Variants in XYLT2 observed in about 807,000 individuals in gnomAD.
XYLT2 encodes xylosyltransferase 2, also known as UDP-D-xylose:proteoglycan core protein beta-D-xylosyltransferase.
A neutral mutation model predicts 82.6 loss-of-function variants in XYLT2; 37 were observed. The observed-to-expected ratio is 0.45, with a 90% CI of 0.34 to 0.59. The LOEUF (loss-of-function observed/expected upper bound fraction) is 0.59. XYLT2 is among the 20% of genes least tolerant of loss of function. The pLI, the probability that XYLT2 is intolerant of heterozygous loss-of-function variation, is 0.01. For synonymous variants in XYLT2, 474 were observed against 499.0 expected, an observed-to-expected ratio of 0.95 and a Z score of 0.67; for missense variants, 934 against 1,181.3, an observed-to-expected ratio of 0.79 and a Z score of 3.07.
In XYLT2 at chr17:50,356,231, C is replaced by T; in HGVS notation, c.1452C>T (p.Asp484=). ...IVDWCGCSPN[D]FKPQDFLRLQ... ...ACTGGTGTGGCTGCTCCCCCAACGA[C>T]TTCAAGCCACAGGACTTCCTCCGGC... Residue 484 remains aspartate (D), a synonymous_variant, in exon 7 of 11, where the codon GAC becomes GAT. Coordinates refer to ENST00000017003, the MANE Select transcript of XYLT2 (RefSeq NM_022167.4). 6.2e-7 allele frequency: 1 copy of T among 1,614,118 alleles called. No homozygotes were observed. Among genetic ancestry groups the T allele is most frequent in the Non-Finnish European group, 8.5e-7 (1 of 1,179,944 alleles).
Position 50,360,047 on chromosome 17 carries a change from T to C in XYLT2, c.2354T>C (p.Leu785Pro). ...AGTTTCCAGGGCCTGAGTAGCATCC[T>C]GAACCTGCCTCAGCCGGAGCTCGCG... ...EQSFQGLSSI[L>P]NLPQPELAEE... Residue 785 changes from leucine (L) to proline (P), a missense_variant, in exon 11 of 11, where the codon CTG (leucine) becomes CCG (proline). Transcript: ENST00000017003. The C allele has an allele frequency of 6.2e-7, 1 of 1,613,960 alleles. No homozygotes were observed.
At chr17:50,355,651 G>C (rs1378612199) in intron 5 of XYLT2, 70 bp downstream of exon 5, 2 of 1,598,872 alleles carry the variant, frequency 1.3e-6, no homozygotes, top group Non-Finnish European at 1.7e-6. Context: ...GTTGGGCTCG[G>C]TGGCTCCAGC....
intron 7 of XYLT2, 66 bp downstream of exon 7, chr17:50,356,327 G>A (rs1232879376): frequency 6.3e-7 from 1 of 1,581,920 alleles, no homozygotes; most frequent in Non-Finnish European, 8.6e-7. Flanking sequence ...CAGGAAAATG[G>A]CAGGGTGGGC....
chr17:50,349,500 G>T (rs1482177393), intron 1 of XYLT2, among the ~76,000 whole-genome samples: 1 of 152,234 alleles, frequency 6.6e-6, no homozygotes. Context: ...TGTAATCTCA[G>T]CACTTTGGGA....
rs1228819550 is a variant in XYLT2, at chr17:50,356,645, C to T, written c.1617C>T (p.Asn539=). ...GTPALKAYWE[N]TYDAADGPSG... The stretch of plus-strand genomic sequence containing the variant: ...CAGCCCTCAAGGCCTACTGGGAGAA[C>T]ACCTACGACGCGGCTGATGGCCCCA... The change falls in exon 8 of 11, where the codon AAC becomes AAT. Residue 539 remains asparagine, a synonymous_variant. Coordinates refer to ENST00000017003, the MANE Select transcript of XYLT2 (RefSeq NM_022167.4). 1 of 1,614,108 alleles carries T rather than the reference C, an allele frequency of 6.2e-7. No homozygotes were observed. The highest frequency in any genetic ancestry group is 1.1e-5 in the South Asian group (1 of 91,090).
chr17:50,356,994 T>A (rs1228933048), intron 8 of XYLT2, 63 bp from the exon 9 acceptor site: 11 of 1,529,570 alleles, frequency 7.2e-6, no homozygotes, highest in Non-Finnish European at 9.7e-6. Flanking sequence ...GCCCCCTCCC[T>A]GGGACTCCAG....
chr17:50,357,700 C>T (rs142344346), intron 9 of XYLT2: 4,195 of 164,322 alleles, frequency 0.026, 79 homozygotes, highest in Middle Eastern at 0.054. Flanking sequence ...CTCAGCCTCC[C>T]GCGTAGCTGG....
At chr17:50,354,822 T>G (rs1912441555) in intron 3 of XYLT2, 32 bp from the exon 4 acceptor site, 2 of 1,610,280 alleles carry the variant, frequency 1.2e-6, no homozygotes, top group African/African-American at 2.7e-5. Context: ...GCGATAACAC[T>G]GGAGGCTAGC....
intron 1 of XYLT2, among the ~76,000 whole-genome samples, chr17:50,352,218 A>T (rs781308675): frequency 1.3e-5 from 2 of 152,048 alleles, no homozygotes; most frequent in Non-Finnish European, 2.9e-5. Flanking sequence ...CTCAGTTGTT[A>T]CTCCTTACAG....
At chr17:50,358,161 A>C (rs1205890804) in intron 9 of XYLT2, 46 bp from the exon 10 acceptor site, 1 of 1,502,116 alleles carries the variant, frequency 6.7e-7, no homozygotes, top group Non-Finnish European at 9.0e-7. Flanking sequence ...AGGAGGGAGA[A>C]GGACCTTTCC....
At chr17:50,353,202 A>C (rs543739097) in intron 1 of XYLT2, among the ~76,000 whole-genome samples, 4 of 151,818 alleles carry the variant, frequency 2.6e-5, no homozygotes, top group Middle Eastern at 3.4e-3. Context: ...GAGTCTTCTG[A>C]AGACCACTGT....
At chr17:50,359,878 A>G in intron 10 of XYLT2, 91 bp from the exon 11 acceptor site, 1 of 1,166,202 alleles carries the variant, frequency 8.6e-7, no homozygotes, top group Non-Finnish European at 1.2e-6. Context: ...GGGCTGTGAC[A>G]GGAACTGGGG....
At chr17:50,347,713 G>A (rs971506045) in intron 1 of XYLT2, among the ~76,000 whole-genome samples, 1 of 152,224 alleles carries the variant, frequency 6.6e-6, no homozygotes, top group Non-Finnish European at 1.5e-5. Context: ...GGGGAATCCT[G>A]GGCTGGAATG....
chr17:50,353,395 G>C (rs776256473), intron 1 of XYLT2, among the ~76,000 whole-genome samples: 1 of 152,196 alleles, frequency 6.6e-6, no homozygotes, highest in Non-Finnish European at 1.5e-5. Context: ...GAGAGCCAGT[G>C]GGGGACGGGG....
chr17:50,349,641 T>C (rs569960609), intron 1 of XYLT2, among the ~76,000 whole-genome samples: 5 of 152,294 alleles, frequency 3.3e-5, no homozygotes, highest in African/African-American at 1.2e-4. Context: ...ACAGAGGGCA[T>C]GGATGTAGGC....
chr17:50,357,589 AGTC>A, intron 9 of XYLT2: 1 of 218,786 alleles, frequency 4.6e-6, no homozygotes, highest in Non-Finnish European at 8.7e-6. Flanking sequence ...GGCTCCTCAT[AGTC>A]TTTTTTTTTT....
In XYLT2 at chr17:50,361,118, T is replaced by A. The variant is rs1646104373; in HGVS notation, c.*827T>A. The stretch of plus-strand genomic sequence containing the variant: ...CTGAAGCTCAGCGTGAAGTCTGAAA[T>A]ATGCAACAGAAGAAATATATCTCTA... On this transcript the variant is annotated 3_prime_UTR_variant, in exon 11 of 11. Transcript: ENST00000017003. The A allele has an allele frequency of 3.0e-6, 3 of 985,892 alleles. No individual in the cohort carries two copies. Among genetic ancestry groups the A allele is most frequent in the Non-Finnish European group, 3.6e-6 (3 of 829,948 alleles). The allele number at this position is 985,892 out of a possible 1,614,324, so 61.1% of individuals were successfully genotyped here.
rs749529535 is a variant in XYLT2 at position 50,353,798 on chromosome 17, C to A, written c.304C>A (p.Arg102=). The A allele has an allele frequency of 8.9e-6, 14 of 1,568,194 alleles. No individual in the cohort carries two copies. In the African/African-American group the frequency reaches 1.9e-4, roughly 21 times the overall value. Reference sequence around the variant, plus strand: ...CAAGGTGGTACGGGCAGTAACCAGCCGGCAGAGAGCCAGCCGGCGGGTCCC... The same window carrying A: ...CAAGGTGGTACGGGCAGTAACCAGCAGGCAGAGAGCCAGCCGGCGGGTCCC... The part of the protein sequence containing the change: ...VAKVVRAVTS[R]QRASRRVPPA... The change falls in exon 2 of 11, where the codon CGG becomes AGG. Residue 102 remains arginine (R), a synonymous_variant. Transcript: ENST00000017003.
Position 50,346,716 on chromosome 17 carries a change from G to T in XYLT2, c.135+441G>T. 1.0e-6 allele frequency: 1 copy of T among 985,382 alleles called. No homozygotes were observed. Among genetic ancestry groups the T allele is most frequent in the Non-Finnish European group, 1.2e-6 (1 of 829,920 alleles). 61.0% of individuals were successfully genotyped at this position (985,382 alleles called of 1,614,324 possible). On this transcript the variant is annotated intron_variant, in intron 1 of 10. Coordinates refer to ENST00000017003, the MANE Select transcript of XYLT2 (RefSeq NM_022167.4). The surrounding 1 kb of genome is among the most constrained non-coding windows in gnomAD (Gnocchi z 5.1). ...GGAGTAGGGCCAAGGGACTCAGGGCGTCCTTCCCCAGCTGAGCCCGAGGGG... is the reference window on the plus strand; with the variant it reads ...GGAGTAGGGCCAAGGGACTCAGGGCTTCCTTCCCCAGCTGAGCCCGAGGGG...
Sources: allele counts gnomAD v4.1 joint callset (sites outside exome capture counted in the v4.1 genomes callset), GRCh38; gene constraint gnomAD v4.1.1; non-coding constraint Gnocchi (gnomAD v3.1); transcripts MANE v1.5; gene names NCBI Gene and HGNC (gene_info 2026-07-23, HGNC 2026-07-21).